The following DUSP22 variants were observed in gnomAD, a reference collection of about 807,000 sequenced individuals.
DUSP22 encodes dual specificity phosphatase 22.
A neutral mutation model predicts 24.5 loss-of-function variants in DUSP22; 24 were observed. The ratio of observed to expected loss-of-function variants is 0.98; its 90% confidence interval spans 0.71 to 1.38. The LOEUF is 1.38. DUSP22 is among the 40% of genes most tolerant of loss of function. The pLI is 0.00. For synonymous variants in DUSP22, 160 were observed against 106.4 expected (o/e 1.50, Z -3.10); for missense variants, 330 against 269.2 (o/e 1.23, Z -1.58).
chr6:294,015 G>A (rs1757213345), intron 1 of DUSP22, among the ~76,000 whole-genome samples: 1 of 152,206 alleles, frequency 6.6e-6, no homozygotes, highest in Non-Finnish European at 1.5e-5. Flanking sequence ...CTTTCCTTTG[G>A]CTGTTTCTAG....
intron 1 of DUSP22, among the ~76,000 whole-genome samples, chr6:302,060 T>C (rs1033397057): frequency 1.3e-5 from 2 of 152,302 alleles, no homozygotes; most frequent in African/African-American, 4.8e-5. Flanking sequence ...GCATAGTGCA[T>C]GCACAGGACT....
rs1760048678 is a variant in DUSP22 at position 349,173 on chromosome 6, G to C, written c.*222G>C. 3 of 1,427,508 alleles carry C rather than the reference G, an allele frequency of 2.1e-6. No individual in the cohort carries two copies. Among genetic ancestry groups the C allele is most frequent in the Non-Finnish European group, 2.7e-6 (3 of 1,095,666 alleles). The allele number at this position is 1,427,508 out of a possible 1,614,324, so 88.4% of individuals were successfully genotyped here. A position where few individuals can be genotyped will look rare whatever the true frequency, so the allele number is the denominator to read the frequency against. On this transcript the variant is annotated 3_prime_UTR_variant, in exon 7 of 7. Transcript: ENST00000419235. ...ACCTGAGCTTGCTGCCCCTGGGGAT[G>C]TTGCCCAGTGGCTGTGCACTGCTCT...
chr6:338,305 G>A (rs1053463194), intron 4 of DUSP22, among the ~76,000 whole-genome samples: 3 of 152,312 alleles, frequency 2.0e-5, no homozygotes, highest in Non-Finnish European at 4.4e-5. Context: ...AGAGGCAGGC[G>A]ATGAAATAGC....
intron 3 of DUSP22, among the ~76,000 whole-genome samples, chr6:331,537 T>C (rs2127411026): frequency 6.6e-6 from 1 of 152,426 alleles, no homozygotes; most frequent in Non-Finnish European, 1.5e-5. Context: ...TGGTCCTGTC[T>C]TGAGGACCTA....
chr6:350,187 A>T lies in DUSP22; in HGVS notation c.*1236A>T. The T allele has an allele frequency of 1.0e-6, 1 of 986,200 alleles. No individual in the cohort carries two copies. Among genetic ancestry groups the T allele is most frequent in the Non-Finnish European group, 1.2e-6 (1 of 830,448 alleles). 61.1% of individuals were successfully genotyped at this position (986,200 alleles called of 1,614,324 possible). A position where few individuals can be genotyped will look rare whatever the true frequency, so the allele number is the denominator to read the frequency against. Reference sequence around the variant, plus strand: ...CGGTCATGATTGCTTTTGAAACCAAAGGGGAAGGTACCGATATCATTGAGC... The same window carrying T: ...CGGTCATGATTGCTTTTGAAACCAATGGGGAAGGTACCGATATCATTGAGC... On this transcript the variant is annotated 3_prime_UTR_variant, in exon 7 of 7. Coordinates refer to ENST00000419235, the MANE Select transcript of DUSP22 (RefSeq NM_001286555.3).
At chr6:320,063 G>GT (rs1421973587) in intron 3 of DUSP22, 2 of 152,540 alleles carry the variant, frequency 1.3e-5, no homozygotes, top group African/African-American at 4.8e-5. Context: ...CTTGCAAATG[G>GT]AGCCCTAGAA....
chr6:330,143 C>T (rs1759076308), intron 3 of DUSP22, among the ~76,000 whole-genome samples: 1 of 152,306 alleles, frequency 6.6e-6, no homozygotes, highest in Admixed American at 6.5e-5. Context: ...CCCCCCTGGG[C>T]TCACCATACC....
chr6:308,837 A>G (rs1434927656), intron 2 of DUSP22, among the ~76,000 whole-genome samples: 1 of 152,312 alleles, frequency 6.6e-6, no homozygotes, highest in African/African-American at 2.4e-5. Flanking sequence ...TGAAACAAAT[A>G]CGGATGGTTG....
At chr6:311,991 G>A (rs747870934) in intron 3 of DUSP22, 29 bp downstream of exon 3, 1 of 1,601,002 alleles carries the variant, frequency 6.2e-7, no homozygotes, top group South Asian at 1.1e-5. Context: ...GCGTGTGTGG[G>A]TGTCCTCATT....
rs1242040437 is a variant in DUSP22, at chr6:349,252, T to C, written c.*301T>C. ...GTGTGTGGGTGACTAAGTGGATGCA[T>C]GTGTGTGCCTGTGTGAGTGAGGGTA... On this transcript the variant is annotated 3_prime_UTR_variant, in exon 7 of 7. Transcript: ENST00000419235. 3.0e-6 allele frequency: 4 copies of C among 1,338,442 alleles called. No homozygotes were observed. The highest frequency in any genetic ancestry group is 2.9e-5 in the African/African-American group (2 of 68,314). The allele number at this position is 1,338,442 out of a possible 1,614,324, so 82.9% of individuals were successfully genotyped here. A position where few individuals can be genotyped will look rare whatever the true frequency, so the allele number is the denominator to read the frequency against.
chr6:337,563 A>T (rs113177811), intron 4 of DUSP22, among the ~76,000 whole-genome samples: 1,339 of 151,958 alleles, frequency 8.8e-3, no homozygotes, highest in Middle Eastern at 0.034. Flanking sequence ...AGTTCAGATC[A>T]TCTGTCAAAA....
At chr6:332,943 A>C (rs1357373626) in intron 3 of DUSP22, among the ~76,000 whole-genome samples, 5 of 152,304 alleles carry the variant, frequency 3.3e-5, no homozygotes, top group African/African-American at 1.2e-4. Context: ...ACTTAAGAGT[A>C]AAAGGAAAGA....
chr6:311,679 C>A (rs148974995), intron 2 of DUSP22, among the ~76,000 whole-genome samples: 18 of 151,716 alleles, frequency 1.2e-4, no homozygotes, highest in Non-Finnish European at 1.3e-4. Flanking sequence ...GACTCCGTCT[C>A]AAAAAAAAAC....
intron 3 of DUSP22, among the ~76,000 whole-genome samples, chr6:328,320 T>G (rs1439376519): frequency 6.6e-6 from 1 of 152,302 alleles, no homozygotes; most frequent in Non-Finnish European, 1.5e-5. Flanking sequence ...AGAGTGAATC[T>G]CCCTCACTGC....
chr6:317,956 T>G (rs1318699245), intron 3 of DUSP22, among the ~76,000 whole-genome samples: 1 of 152,180 alleles, frequency 6.6e-6, no homozygotes, highest in Non-Finnish European at 1.5e-5. Flanking sequence ...TAGAGTGGGG[T>G]CAAGAGTGAT....
intron 4 of DUSP22, among the ~76,000 whole-genome samples, chr6:344,030 GCACTTA>G (rs1377626076): frequency 2.0e-5 from 3 of 152,298 alleles, no homozygotes; most frequent in African/African-American, 7.2e-5. Context: ...CGAGGTGTCA[GCACTTA>G]ACCCACAAAC....
intron 3 of DUSP22, 80 bp downstream of exon 3, chr6:312,042 C>G (rs1758133788): frequency 7.0e-7 from 1 of 1,429,894 alleles, no homozygotes; most frequent in South Asian, 1.3e-5. Context: ...TGAAGGCAAC[C>G]AGGTTCTCTC....
chr6:344,561 A>T (rs1759767582), intron 4 of DUSP22, among the ~76,000 whole-genome samples: 2 of 152,300 alleles, frequency 1.3e-5, no homozygotes, highest in South Asian at 4.1e-4. Context: ...AAGTGCTAGG[A>T]TGATAGGTGT....
chr6:318,223 G>T (rs527332148), intron 3 of DUSP22, among the ~76,000 whole-genome samples: 2 of 152,420 alleles, frequency 1.3e-5, no homozygotes, highest in Admixed American at 1.3e-4. Flanking sequence ...TTAAAAGCTT[G>T]GCTCTACAAA....
Sources: allele counts gnomAD v4.1 joint callset (sites outside exome capture counted in the v4.1 genomes callset), GRCh38; gene constraint gnomAD v4.1.1; transcripts MANE v1.5; gene names NCBI Gene and HGNC (gene_info 2026-07-23, HGNC 2026-07-21).